Variants in PALLD observed in about 807,000 individuals in gnomAD.
PALLD encodes the protein palladin.
PALLD carries 61 observed loss-of-function variants against 123.5 expected under a neutral mutation model. The observed-to-expected ratio is 0.49, with a 90% CI of 0.40 to 0.61. The LOEUF (loss-of-function observed/expected upper bound fraction) is 0.61, where lower values mean the gene tolerates loss of function less well. Ranked by LOEUF, PALLD falls within the 20% of genes least tolerant of loss-of-function variation. The pLI is 0.00. For missense variants in PALLD, 1,273 were observed against 1,377.0 expected, an observed-to-expected ratio of 0.92 and a Z score of 1.20; for synonymous variants, 465 against 496.4, an observed-to-expected ratio of 0.94 and a Z score of 0.84.
At chr4:168,834,240 A>G (rs1203243888) in intron 10 of PALLD, among the ~76,000 whole-genome samples, 1 of 152,054 alleles carries the variant, frequency 6.6e-6, no homozygotes, top group Non-Finnish European at 1.5e-5. Flanking sequence ...GTTGGAATTC[A>G]TGAATCATAA....
At chr4:168,670,002 A>G (rs1008881998) in intron 3 of PALLD, among the ~76,000 whole-genome samples, 9 of 152,232 alleles carry the variant, frequency 5.9e-5, no homozygotes, top group Admixed American at 2.0e-4. Context: ...AAAATGCTGC[A>G]TGAATGAAAA....
At chr4:168,770,454 G>A (rs1215107540) in intron 10 of PALLD, among the ~76,000 whole-genome samples, 2 of 152,180 alleles carry the variant, frequency 1.3e-5, no homozygotes, top group African/African-American at 4.8e-5. Context: ...TCCTTATGGA[G>A]ATGGGCCTGA....
At position 168,529,130 on chromosome 4, in the gene PALLD, G is replaced by A. The variant is rs146291530; in HGVS notation, c.908+16718G>A. On this transcript the variant is annotated intron_variant, in intron 2 of 21. Coordinates refer to ENST00000505667, the MANE Select transcript of PALLD (RefSeq NM_001166108.2). Reference sequence around the variant, plus strand: ...GGGAGGCTGGGGCTGGTGGATCACCGGAGGCCAGGAGATGGCCAACCTAGT... The same window carrying A: ...GGGAGGCTGGGGCTGGTGGATCACCAGAGGCCAGGAGATGGCCAACCTAGT... Among the ~76,000 whole-genome samples, 53 of 152,138 alleles carry A rather than the reference G, an allele frequency of 3.5e-4. No homozygotes were observed. The East Asian group carries it at 8.9e-3, about 26-fold the overall frequency.
rs1304635468 is a variant in PALLD at position 168,927,931 on chromosome 4, C to T, written c.*1751C>T. On this transcript the variant is annotated 3_prime_UTR_variant, in exon 22 of 22. Coordinates refer to ENST00000505667, the MANE Select transcript of PALLD (RefSeq NM_001166108.2). ...TGTATCTTTCATTATTTATAAGTGGCCTCTCTTAGCTCAGTTACTCAATTC... is the reference window on the plus strand; with the variant it reads ...TGTATCTTTCATTATTTATAAGTGGTCTCTCTTAGCTCAGTTACTCAATTC... 5.0e-6 allele frequency: 1 copy of T among 199,798 alleles called. No individual in the cohort carries two copies. Among genetic ancestry groups the T allele is most frequent in the East Asian group, 7.8e-5 (1 of 12,764 alleles). 12.4% of individuals were successfully genotyped at this position (199,798 alleles called of 1,614,324 possible).
At chr4:168,586,697 G>A (rs924860919) in intron 2 of PALLD, among the ~76,000 whole-genome samples, 3 of 152,136 alleles carry the variant, frequency 2.0e-5, no homozygotes, top group African/African-American at 7.2e-5. Context: ...TGCTTCCTGG[G>A]TTCAAATGGG....
chr4:168,811,776 T>TCACACA (rs58914714), intron 10 of PALLD, among the ~76,000 whole-genome samples: 60 of 143,738 alleles, frequency 4.2e-4, no homozygotes, highest in East Asian at 1.7e-3. Context: ...TCTCTCTCTC[T>TCACACA]CACACACACA....
Position 168,878,194 on chromosome 4 carries a change from C to T in PALLD, c.1965-12728C>T. The T allele has an allele frequency of 6.6e-7, 1 of 1,514,340 alleles. No individual in the cohort carries two copies. Among genetic ancestry groups the T allele is most frequent in the Non-Finnish European group, 8.8e-7 (1 of 1,138,870 alleles). The allele number at this position is 1,514,340 out of a possible 1,614,324, so 93.8% of individuals were successfully genotyped here. On this transcript the variant is annotated intron_variant, in intron 10 of 21. Transcript: ENST00000505667. ...CCCCGGTCTTCAGCCCCACGGCTGC[C>T]TTCCCGGTGCCCGACGTGTTCCCAC...
intron 2 of PALLD, among the ~76,000 whole-genome samples, chr4:168,597,351 C>T (rs961471127): frequency 5.9e-5 from 9 of 152,172 alleles, no homozygotes; most frequent in African/African-American, 2.2e-4. Context: ...GAAACTCATA[C>T]AGTTTTGGAG....
intron 10 of PALLD, among the ~76,000 whole-genome samples, chr4:168,846,785 G>C (rs546677485): frequency 6.6e-6 from 1 of 152,296 alleles, no homozygotes; most frequent in African/African-American, 2.4e-5. Flanking sequence ...TACCCACACT[G>C]GTGGTGTCAG....
intron 10 of PALLD, among the ~76,000 whole-genome samples, chr4:168,761,650 T>TTTTTG (rs1732901590): frequency 2.8e-5 from 1 of 35,736 alleles, no homozygotes; most frequent in Non-Finnish European, 6.2e-5. Context: ...TGTTTGTTTT[T>TTTTTG]TTTTTTTTTT....
At chr4:168,856,608 A>AT (rs1748646935) in intron 10 of PALLD, among the ~76,000 whole-genome samples, 1 of 152,082 alleles carries the variant, frequency 6.6e-6, no homozygotes, top group African/African-American at 2.4e-5. Flanking sequence ...GATGCTGAGC[A>AT]TTTTTTCATG....
chr4:168,638,308 G>A (rs1341119735), intron 2 of PALLD, among the ~76,000 whole-genome samples: 1 of 152,150 alleles, frequency 6.6e-6, no homozygotes. Flanking sequence ...GGAAACCAAG[G>A]CTGTCTCAAG....
chr4:168,582,902 G>T lies in PALLD; in HGVS notation c.908+70490G>T, dbSNP rs556540754. ...TAAGCCAGTGCCTGATAAATGAAAGGCTTTGCACTCTTAATTGAACAAATT... is the reference window on the plus strand; with the variant it reads ...TAAGCCAGTGCCTGATAAATGAAAGTCTTTGCACTCTTAATTGAACAAATT... On this transcript the variant is annotated intron_variant, in intron 2 of 21. Coordinates refer to ENST00000505667, the MANE Select transcript of PALLD (RefSeq NM_001166108.2). 2.5e-4 allele frequency among the ~76,000 whole-genome samples: 38 copies of T among 152,214 alleles called. 1 individual carries two copies. In the South Asian group the frequency reaches 3.9e-3, roughly 16 times the overall value.
intron 10 of PALLD, among the ~76,000 whole-genome samples, chr4:168,813,422 C>A (rs9991545): frequency 0.028 from 4,266 of 152,204 alleles, 206 homozygotes; most frequent in African/African-American, 0.098. Context: ...ACAACAACAA[C>A]AACAACAAAA....
intron 2 of PALLD, among the ~76,000 whole-genome samples, chr4:168,626,719 A>G (rs1775335066): frequency 6.6e-6 from 1 of 151,898 alleles, no homozygotes; most frequent in African/African-American, 2.4e-5. Flanking sequence ...TCCAGGAAAA[A>G]AAAAAAAAAA....
chr4:168,823,068 T>C (rs944135766), intron 10 of PALLD, among the ~76,000 whole-genome samples: 1 of 152,206 alleles, frequency 6.6e-6, no homozygotes, highest in African/African-American at 2.4e-5. Flanking sequence ...ATTTTATAGT[T>C]GTATTGGTAT....
At chr4:168,812,940 G>A (rs781559943) in intron 10 of PALLD, among the ~76,000 whole-genome samples, 16 of 152,130 alleles carry the variant, frequency 1.1e-4, no homozygotes, top group Admixed American at 1.3e-4. Context: ...CAGCCCCCGT[G>A]TAGATTCATC....
intron 10 of PALLD, among the ~76,000 whole-genome samples, chr4:168,790,348 G>T (rs1345587598): frequency 1.3e-5 from 2 of 151,558 alleles, no homozygotes; most frequent in Non-Finnish European, 2.9e-5. Context: ...CTTTAGTAGA[G>T]ATGGGATTTC....
chr4:168,874,211 G>C (rs1014509864), intron 10 of PALLD, among the ~76,000 whole-genome samples: 1 of 152,182 alleles, frequency 6.6e-6, no homozygotes, highest in Non-Finnish European at 1.5e-5. Context: ...AAGCCAGTTC[G>C]ATCTAACTGT....
Sources: allele counts gnomAD v4.1 joint callset (sites outside exome capture counted in the v4.1 genomes callset), GRCh38; gene constraint gnomAD v4.1.1; transcripts MANE v1.5; gene names NCBI Gene and HGNC (gene_info 2026-07-23, HGNC 2026-07-21).